The following PDCD4 variants were observed in gnomAD, a reference collection of about 807,000 sequenced individuals.
The protein encoded by PDCD4 is programmed cell death protein 4.
PDCD4 carries 56 observed loss-of-function variants against 54.0 expected under a neutral mutation model. The observed-to-expected ratio is 1.04, with a 90% CI of 0.84 to 1.30. PDCD4 has a LOEUF of 1.30. PDCD4 is among the 50% of genes most tolerant of loss of function. PDCD4 has a pLI of 0.00. For missense variants in PDCD4, 584 were observed against 559.8 expected (o/e 1.04, Z -0.44); for synonymous variants, 186 against 194.8 (o/e 0.95, Z 0.37).
intron 10 of PDCD4, among the ~76,000 whole-genome samples, chr10:110,894,936 AAG>A (rs1342051391): frequency 6.6e-6 from 1 of 151,922 alleles, no homozygotes; most frequent in East Asian, 1.9e-4. Flanking sequence ...TTTTTTTAAA[AAG>A]GTAGTAAGTG....
In PDCD4 at chr10:110,881,362, A is replaced by C. The variant is rs1344628987; in HGVS notation, c.173A>C (p.Lys58Thr). ...SSINEARINA[K>T]AKRRLRKNSS... ...ATTAACGAAGCTAGAATTAATGCCA[A>C]GGCAAAAAGGCGACTAAGGAAAAAC... Residue 58 changes from lysine to threonine, a missense_variant, in exon 3 of 12, where the codon AAG (lysine) becomes ACG (threonine). Transcript: ENST00000280154. 6.2e-7 allele frequency: 1 copy of C among 1,614,206 alleles called. No individual in the cohort carries two copies. The highest frequency in any genetic ancestry group is 1.7e-5 in the Admixed American group (1 of 60,026).
Position 110,874,869 on chromosome 10 carries a change from A to T in PDCD4, c.-62-1097A>T, listed in dbSNP as rs527649022. Among the ~76,000 whole-genome samples the T allele has an allele frequency of 3.3e-5, 5 of 152,286 alleles. No individual in the cohort carries two copies. The South Asian group carries it at 1.0e-3, about 32-fold the overall frequency. ...TATATCATTGTTATCCTAAAATGACATCTAACAGTAGGTTAAGTTATATAG... is the reference window on the plus strand; with the variant it reads ...TATATCATTGTTATCCTAAAATGACTTCTAACAGTAGGTTAAGTTATATAG... On this transcript the variant is annotated intron_variant, in intron 1 of 11. Coordinates refer to ENST00000280154, the MANE Select transcript of PDCD4 (RefSeq NM_014456.5).
Position 110,896,020 on chromosome 10 carries a change from C to G in PDCD4, c.1282C>G (p.Arg428Gly), listed in dbSNP as rs146655374. The G allele has an allele frequency of 1.2e-6, 2 of 1,608,180 alleles. No homozygotes were observed. Among genetic ancestry groups the G allele is most frequent in the Middle Eastern group, 1.7e-4 (1 of 6,050 alleles). Residue 428 changes from arginine (R) to glycine (G), a missense_variant, in exon 11 of 12, where the codon CGG (arginine) becomes GGG (glycine). By Grantham distance (125) the Arg-to-Gly change is moderately radical. Transcript: ENST00000280154. ...DVPHSYSVLE[R>G]FVEECFQAGI... ...CCCACATTCATACTCTGTGCTGGAG[C>G]GGTTTGTAGAAGAATGTTTTCAGGC...
At chr10:110,885,434 C>T in intron 5 of PDCD4, 68 bp downstream of exon 5, 1 of 679,328 alleles carries the variant, frequency 1.5e-6, no homozygotes, top group South Asian at 1.8e-5. Context: ...AAGCAAAATA[C>T]ATCTACAATG....
Position 110,888,002 on chromosome 10 carries a change from A to G in PDCD4, c.777+116A>G, listed in dbSNP as rs535553087. 5 of 621,844 alleles carry G rather than the reference A, an allele frequency of 8.0e-6. 1 individual carries two copies. The Admixed American group carries it at 1.2e-4, about 15-fold the overall frequency. The allele number at this position is 621,844 out of a possible 1,614,324, so 38.5% of individuals were successfully genotyped here. A position where few individuals can be genotyped will look rare whatever the true frequency, so the allele number is the denominator to read the frequency against. On this transcript the variant is annotated intron_variant, in intron 6 of 11. Transcript: ENST00000280154. ...TGGAAGGGGATGGCCAACATTTCCT[A>G]CGACACCGAAATATTCCGCTAGCAT... is the stretch of plus-strand genomic sequence containing the variant.
At position 110,882,995 on chromosome 10, in the gene PDCD4, T is replaced by G; in HGVS notation, c.347-8T>G. ...TGTTTTTTCTTTCTCAATGCTAAAC[T>G]TTTTCAGGTGGTGCAGGAGGCAAAG... is the stretch of plus-strand genomic sequence containing the variant. On this transcript the variant is annotated splice_polypyrimidine_tract_variant and splice_region_variant and intron_variant, in intron 3 of 11. Transcript: ENST00000280154. The G allele has an allele frequency of 6.4e-7, 1 of 1,569,484 alleles. No individual in the cohort carries two copies. Among genetic ancestry groups the G allele is most frequent in the South Asian group, 1.1e-5 (1 of 88,700 alleles).
At chr10:110,894,005 T>G in intron 8 of PDCD4, 86 bp from the exon 9 acceptor site, 1 of 749,888 alleles carries the variant, frequency 1.3e-6, no homozygotes, top group Non-Finnish European at 2.3e-6. Flanking sequence ...TTCATTATAT[T>G]GGAATGAGGG....
At chr10:110,887,989 G>A (rs929014282) in intron 6 of PDCD4, 103 bp downstream of exon 6, 7 of 676,606 alleles carry the variant, frequency 1.0e-5, no homozygotes, top group Non-Finnish European at 1.8e-5. Context: ...GAAGGGGATG[G>A]CCAACATTTC....
intron 1 of PDCD4, chr10:110,872,316 A>C (rs1845423315): frequency 6.6e-6 from 1 of 152,126 alleles, no homozygotes; most frequent in Non-Finnish European, 1.5e-5. Context: ...CCCCACTGAG[A>C]GGGGCGCGCG....
Position 110,898,966 on chromosome 10 carries a change from C to G in PDCD4, c.*878C>G, listed in dbSNP as rs1389067216. 3.3e-5 allele frequency: 5 copies of G among 151,454 alleles called. No homozygotes were observed. In the South Asian group the frequency reaches 8.3e-4, roughly 25 times the overall value. 9.4% of individuals were successfully genotyped at this position (151,454 alleles called of 1,614,324 possible). ...TCACTTTACTCCATTGTTATCTGAC[C>G]TAGAGCTTAATTAAGTTTTAGAAAT... is the stretch of plus-strand genomic sequence containing the variant. On this transcript the variant is annotated 3_prime_UTR_variant, in exon 12 of 12. Coordinates refer to ENST00000280154, the MANE Select transcript of PDCD4 (RefSeq NM_014456.5).
rs1845740679 is a variant in PDCD4 at position 110,890,626 on chromosome 10, G to A, written c.946G>A (p.Gly316Ser). Residue 316 changes from glycine (G) to serine (S), a missense_variant, in exon 8 of 12, where the codon GGC (glycine) becomes AGC (serine). By Grantham distance (56) the Gly-to-Ser change is moderately conservative. Transcript: ENST00000280154. ...TGGAAAGCGTAAAGATAGTGTGTGG[G>A]GCTCTGGAGGTGGGCAGCAATCTGT... ...KGGKRKDSVWGSGGGQQSVNH... is the reference protein window; with the variant it reads ...KGGKRKDSVWSSGGGQQSVNH... The A allele has an allele frequency of 1.9e-6, 3 of 1,612,906 alleles. No individual in the cohort carries two copies. In the Admixed American group the frequency reaches 5.0e-5, roughly 27 times the overall value.
intron 11 of PDCD4, among the ~76,000 whole-genome samples, chr10:110,896,487 T>C (rs1387007274): frequency 2.0e-5 from 3 of 152,202 alleles, no homozygotes; most frequent in Non-Finnish European, 4.4e-5. Context: ...GGCTCTTACC[T>C]GTACTGGATG....
At chr10:110,892,207 A>G (rs1188986980) in intron 8 of PDCD4, among the ~76,000 whole-genome samples, 1 of 152,240 alleles carries the variant, frequency 6.6e-6, no homozygotes, top group Non-Finnish European at 1.5e-5. Flanking sequence ...AAATTAAGGA[A>G]GACCTAAATA....
At chr10:110,880,935 A>G (rs1456196598) in intron 2 of PDCD4, among the ~76,000 whole-genome samples, 1 of 152,228 alleles carries the variant, frequency 6.6e-6, no homozygotes, top group Non-Finnish European at 1.5e-5. Context: ...TTATGATCTA[A>G]ACGTGAAATA....
intron 6 of PDCD4, among the ~76,000 whole-genome samples, chr10:110,888,865 T>G (rs142048144): frequency 1.6e-3 from 246 of 152,242 alleles, no homozygotes; most frequent in African/African-American, 5.6e-3. Context: ...CTATACAACT[T>G]TTTTTCTCCA....
chr10:110,898,053 G>T lies in PDCD4; in HGVS notation c.1375G>T (p.Gly459Ter). 1 of 1,592,112 alleles carries T rather than the reference G, an allele frequency of 6.3e-7. No homozygotes were observed. Residue 459 changes from glycine (G) to a stop codon, truncating the protein, a stop_gained, in exon 12 of 12, where the codon GGA becomes TGA. Coordinates refer to ENST00000280154, the MANE Select transcript of PDCD4 (RefSeq NM_014456.5). LOFTEE classifies it high-confidence loss of function. ...GGGCAGAAAGCGTTTTGTAAGCGAA[G>T]GAGATGGAGGTCGTCTTAAACCAGA... ...SRGRKRFVSEGDGGRLKPESY is the reference protein window; with the variant it reads ...SRGRKRFVSE
Position 110,894,078 on chromosome 10 carries a change from T to C in PDCD4, c.991-13T>C, listed in dbSNP as rs575880225. On this transcript the variant is annotated splice_polypyrimidine_tract_variant and intron_variant, in intron 8 of 11. Coordinates refer to ENST00000280154, the MANE Select transcript of PDCD4 (RefSeq NM_014456.5). ...TAGGAATTCTGACACATCTCAACTTTTAAATCTAATAGATTGATATGCTGC... is the reference window on the plus strand; with the variant it reads ...TAGGAATTCTGACACATCTCAACTTCTAAATCTAATAGATTGATATGCTGC... The C allele has an allele frequency of 8.6e-6, 13 of 1,511,558 alleles. No individual in the cohort carries two copies. The highest frequency in any genetic ancestry group is 1.7e-5 in the Admixed American group (1 of 58,046). 93.6% of individuals were successfully genotyped at this position (1,511,558 alleles called of 1,614,324 possible).
rs142437067 is a variant in PDCD4 at position 110,877,709 on chromosome 10, A to G, written c.43+1639A>G. ...TTTAAAATAAAAGACTTGTTCTTCA[A>G]TATTTGAATAGGCCTAAGATAGACC... On this transcript the variant is annotated intron_variant, in intron 2 of 11. Transcript: ENST00000280154. Among the ~76,000 whole-genome samples, 93 of 152,298 alleles carry G rather than the reference A, an allele frequency of 6.1e-4. 1 individual carries two copies. The highest frequency in any genetic ancestry group is 1.9e-4 in the East Asian group (1 of 5,192).
chr10:110,894,494 C>G lies in PDCD4; in HGVS notation c.1181C>G (p.Ser394Cys). 6.6e-7 allele frequency: 1 copy of G among 1,521,076 alleles called. No individual in the cohort carries two copies. Among genetic ancestry groups the G allele is most frequent in the Non-Finnish European group, 9.1e-7 (1 of 1,097,678 alleles). 94.2% of individuals were successfully genotyped at this position (1,521,076 alleles called of 1,614,324 possible). A position where few individuals can be genotyped will look rare whatever the true frequency, so the allele number is the denominator to read the frequency against. Residue 394 changes from serine to cysteine, a missense_variant, in exon 10 of 12, where the codon TCT (serine) becomes TGT (cysteine). Coordinates refer to ENST00000280154, the MANE Select transcript of PDCD4 (RefSeq NM_014456.5). Reference sequence around the variant, plus strand: ...TTATTAAAGTCCCTTTGGAAGTCTTCTACCATTACTGTAGACCAAATGAAA... The same window carrying G: ...TTATTAAAGTCCCTTTGGAAGTCTTGTACCATTACTGTAGACCAAATGAAA... Reference protein sequence around the residue: ...LDLLKSLWKSSTITVDQMKRG... With the variant: ...LDLLKSLWKSCTITVDQMKRG...
Sources: gnomAD v4.1 joint callset for allele counts (sites outside exome capture counted in the v4.1 genomes callset) on GRCh38, gnomAD v4.1.1 for gene constraint, MANE v1.5 for transcripts, NCBI Gene and HGNC (gene_info 2026-07-23, HGNC 2026-07-21) for gene names.